KIRREL3: variants seen among roughly 807,000 people sequenced by gnomAD.
KIRREL3 encodes the protein kirre like nephrin family adhesion molecule 3.
A neutral mutation model predicts 89.7 loss-of-function variants in KIRREL3; 36 were observed. That is an observed-to-expected ratio of 0.40 (90% CI 0.31 to 0.53). The LOEUF is 0.53. Among genes scored for constraint, KIRREL3 ranks in the 20% least tolerant of loss-of-function variants. KIRREL3 has a pLI of 0.49. For missense variants in KIRREL3, 864 were observed against 1,056.6 expected (o/e 0.82, Z 2.53); for synonymous variants, 445 against 441.4 (o/e 1.01, Z -0.10).
At chr11:126,648,682 A>T (rs1944789309) in intron 1 of KIRREL3, among the ~76,000 whole-genome samples, 1 of 152,228 alleles carries the variant, frequency 6.6e-6, no homozygotes, top group African/African-American at 2.4e-5. Context: ...AAATTTGTTG[A>T]ACATATATAT....
rs1467125843 is a variant in KIRREL3 at position 126,940,907 on chromosome 11, T to A, written c.55+59548A>T. 2 of 152,202 alleles carry A rather than the reference T, an allele frequency of 1.3e-5. No individual in the cohort carries two copies. The highest frequency in any genetic ancestry group is 2.9e-5 in the Non-Finnish European group (2 of 68,040). 9.4% of individuals were successfully genotyped at this position (152,202 alleles called of 1,614,324 possible). A position where few individuals can be genotyped will look rare whatever the true frequency, so the allele number is the denominator to read the frequency against. On this transcript the variant is annotated intron_variant, in intron 1 of 16. Coordinates refer to ENST00000525144, the MANE Select transcript of KIRREL3 (RefSeq NM_032531.4). The surrounding 1 kb of genome is among the most constrained non-coding windows in gnomAD (Gnocchi z 4.6). ...GGTTCCTTCATCTCCTCCATCTGCA[T>A]CAGCCTAAATTGTCCTAGTGAGTTC...
At chr11:126,845,872 A>G (rs1592214227) in intron 1 of KIRREL3, among the ~76,000 whole-genome samples, 2 of 152,194 alleles carry the variant, frequency 1.3e-5, no homozygotes, top group African/African-American at 4.8e-5. Context: ...TTAAAAGCAG[A>G]TATTCAGGCT....
intron 4 of KIRREL3, among the ~76,000 whole-genome samples, chr11:126,482,008 G>A (rs1400854452): frequency 2.6e-5 from 4 of 152,092 alleles, no homozygotes; most frequent in African/African-American, 4.8e-5. Flanking sequence ...GGAGTAAATC[G>A]CTTTTCCCCA....
chr11:126,990,280 C>A lies in KIRREL3; in HGVS notation c.55+10175G>T, dbSNP rs888730797. 2.6e-5 allele frequency among the ~76,000 whole-genome samples: 4 copies of A among 152,254 alleles called. No homozygotes were observed. The highest frequency in any genetic ancestry group is 7.2e-5 in the African/African-American group (3 of 41,538). ...CCCCTCTGAGCATTTGCAATTGTAC[C>A]CCCTTAGCTGCTGCCACCCTTCATC... is the stretch of plus-strand genomic sequence containing the variant. On this transcript the variant is annotated intron_variant, in intron 1 of 16. Transcript: ENST00000525144. The surrounding 1 kb of genome is among the most constrained non-coding windows in gnomAD (Gnocchi z 6.3).
intron 2 of KIRREL3, among the ~76,000 whole-genome samples, chr11:126,538,819 G>A (rs1475272759): frequency 6.6e-6 from 1 of 152,192 alleles, no homozygotes; most frequent in Non-Finnish European, 1.5e-5. Context: ...GTCTTCCGCT[G>A]AGTAGGCTCT....
chr11:126,982,977 C>G (rs1248887674), intron 1 of KIRREL3, among the ~76,000 whole-genome samples: 1 of 152,130 alleles, frequency 6.6e-6, no homozygotes, highest in Non-Finnish European at 1.5e-5. Flanking sequence ...AATAGATGTG[C>G]CTGCTAATCT....
chr11:126,766,629 A>G lies in KIRREL3; in HGVS notation c.56-203717T>C, dbSNP rs1949832945. On this transcript the variant is annotated intron_variant, in intron 1 of 16. Transcript: ENST00000525144. The surrounding 1 kb of genome is among the most constrained non-coding windows in gnomAD (Gnocchi z 4.2). ...GCGCCAGTAGTATCATTCCATTACC[A>G]TTTCCTCAAATGGGGAGTGTACACA... Among the ~76,000 whole-genome samples, 1 of 151,750 alleles carries G rather than the reference A, an allele frequency of 6.6e-6. No homozygotes were observed. The highest frequency in any genetic ancestry group is 2.1e-4 in the South Asian group (1 of 4,780).
chr11:126,588,934 A>C (rs1942002435), intron 1 of KIRREL3, among the ~76,000 whole-genome samples: 1 of 152,140 alleles, frequency 6.6e-6, no homozygotes, highest in Admixed American at 6.5e-5. Context: ...TCACTCCAGC[A>C]GGGAGCTTGC....
Position 126,431,427 on chromosome 11 carries a change from G to A in KIRREL3, c.1688C>T (p.Ser563Phe). ...GGATCTCCCTCCCGTACTTCTCTGG[G>A]AACGGGCACAGCAGAACGCCACGAT... ...ATIVAFCCAR[S>F]QRNLKGVVSA... The change falls in exon 14 of 17, where the codon TCC (serine) becomes TTC (phenylalanine). Residue 563 changes from serine (S) to phenylalanine (F), a missense_variant. Coordinates refer to ENST00000525144, the MANE Select transcript of KIRREL3 (RefSeq NM_032531.4). This position sits in a 1 kb window ranked among gnomAD's most constrained non-coding sequence, Gnocchi z 7.1. 1.2e-6 allele frequency: 2 copies of A among 1,614,026 alleles called. No homozygotes were observed. The highest frequency in any genetic ancestry group is 2.7e-5 in the African/African-American group (2 of 75,052).
rs530232491 is a variant in KIRREL3, at chr11:126,498,596, C to T, written c.433+22719G>A. Reference sequence around the variant, plus strand: ...TTCCCAGAGAGGTGCTAATGGTCTCCGGGGCATGCCAAGTGTCACAGCCAG... The same window carrying T: ...TTCCCAGAGAGGTGCTAATGGTCTCTGGGGCATGCCAAGTGTCACAGCCAG... On this transcript the variant is annotated intron_variant, in intron 4 of 16. Coordinates refer to ENST00000525144, the MANE Select transcript of KIRREL3 (RefSeq NM_032531.4). This position sits in a 1 kb window ranked among gnomAD's most constrained non-coding sequence, Gnocchi z 4.3. Among the ~76,000 whole-genome samples the T allele has an allele frequency of 2.6e-5, 4 of 152,282 alleles. No individual in the cohort carries two copies. The highest frequency in any genetic ancestry group is 4.1e-4 in the South Asian group (2 of 4,824).
At position 126,763,230 on chromosome 11, in the gene KIRREL3, A is replaced by C. The variant is rs1312285377; in HGVS notation, c.56-200318T>G. 6.6e-6 allele frequency among the ~76,000 whole-genome samples: 1 copy of C among 152,206 alleles called. No homozygotes were observed. Among genetic ancestry groups the C allele is most frequent in the African/African-American group, 2.4e-5 (1 of 41,444 alleles). On this transcript the variant is annotated intron_variant, in intron 1 of 16. Transcript: ENST00000525144. This position sits in a 1 kb window ranked among gnomAD's most constrained non-coding sequence, Gnocchi z 4.7. ...CTGAGCAAAATGAGGGGGCTAGATG[A>C]GACGATTTCTGGAACATCTCCCAAT... is the stretch of plus-strand genomic sequence containing the variant.
intron 4 of KIRREL3, among the ~76,000 whole-genome samples, 184 bp from the exon 5 acceptor site, chr11:126,473,650 C>T (rs927527311): frequency 5.3e-5 from 8 of 152,178 alleles, no homozygotes; most frequent in African/African-American, 1.4e-4. Flanking sequence ...ATGTGCACTG[C>T]GTGCTTACAG....
chr11:126,638,979 C>T (rs1343726701), intron 1 of KIRREL3, among the ~76,000 whole-genome samples: 3 of 151,976 alleles, frequency 2.0e-5, no homozygotes, highest in African/African-American at 7.2e-5. Context: ...GGACAGTACA[C>T]TTTAATGATT....
chr11:126,928,090 A>T (rs1432492562), intron 1 of KIRREL3, among the ~76,000 whole-genome samples: 1 of 152,224 alleles, frequency 6.6e-6, no homozygotes, highest in Non-Finnish European at 1.5e-5. Context: ...AATGTGCTCA[A>T]ATCACACAAG....
intron 6 of KIRREL3, among the ~76,000 whole-genome samples, chr11:126,458,897 G>A (rs549742319): frequency 8.5e-4 from 129 of 152,196 alleles, no homozygotes; most frequent in Non-Finnish European, 1.6e-3. Context: ...CTGCACCCTA[G>A]CTTCCAGGGC....
At chr11:126,919,727 C>T (rs1031450674) in intron 1 of KIRREL3, among the ~76,000 whole-genome samples, 3 of 152,182 alleles carry the variant, frequency 2.0e-5, no homozygotes, top group African/African-American at 4.8e-5. Flanking sequence ...GATATGTGCA[C>T]AGTAAGCATG....
intron 1 of KIRREL3, among the ~76,000 whole-genome samples, chr11:126,964,070 C>G: frequency 6.6e-6 from 1 of 152,196 alleles, no homozygotes; most frequent in East Asian, 1.9e-4. Flanking sequence ...TTTTCCATCT[C>G]TAGCAATTAG....
chr11:126,768,162 ATCCATCCAATCC>A lies in KIRREL3; in HGVS notation c.56-205262_56-205251del, dbSNP rs1282777553. On this transcript the variant is annotated intron_variant, in intron 1 of 16. Coordinates refer to ENST00000525144, the MANE Select transcript of KIRREL3 (RefSeq NM_032531.4). The surrounding 1 kb of genome is among the most constrained non-coding windows in gnomAD (Gnocchi z 4.5). ...CATCCATCCATCCATCCATCCATCC[ATCCATCCAATCC>A]ATCCATCCATCCATCCATCCATCCA... Among the ~76,000 whole-genome samples the A allele has an allele frequency of 5.6e-3, 721 of 129,708 alleles. 1 individual carries two copies. The highest frequency in any genetic ancestry group is 8.5e-3 in the Non-Finnish European group (540 of 63,352). 85.1% of individuals were successfully genotyped at this position (129,708 alleles called of 152,430 possible). A position where few individuals can be genotyped will look rare whatever the true frequency, so the allele number is the denominator to read the frequency against.
rs1464638815 is a variant in KIRREL3 at position 126,993,827 on chromosome 11, G to A, written c.55+6628C>T. ...GGGGAAAATGTGGAATAGTGACAGC[G>A]ATGTTTGTTTGTTATTGCTGCAACT... On this transcript the variant is annotated intron_variant, in intron 1 of 16. Coordinates refer to ENST00000525144, the MANE Select transcript of KIRREL3 (RefSeq NM_032531.4). The surrounding 1 kb of genome is among the most constrained non-coding windows in gnomAD (Gnocchi z 6.1). Among the ~76,000 whole-genome samples, 1 of 152,178 alleles carries A rather than the reference G, an allele frequency of 6.6e-6. No individual in the cohort carries two copies. The highest frequency in any genetic ancestry group is 1.5e-5 in the Non-Finnish European group (1 of 68,036).
Sources: gnomAD v4.1 joint callset for allele counts (sites outside exome capture counted in the v4.1 genomes callset) on GRCh38, gnomAD v4.1.1 for gene constraint, Gnocchi (gnomAD v3.1) non-coding constraint, MANE v1.5 for transcripts, NCBI Gene and HGNC (gene_info 2026-07-23, HGNC 2026-07-21) for gene names.